Variants in C18orf63 observed in about 807,000 individuals in gnomAD.
C18orf63 encodes chromosome 18 open reading frame 63.
A neutral mutation model predicts 75.3 loss-of-function variants in C18orf63; 50 were observed. The ratio of observed to expected loss-of-function variants is 0.66; its 90% confidence interval spans 0.53 to 0.84. The LOEUF is 0.84. Ranked by LOEUF, C18orf63 falls within the 40% of genes least tolerant of loss-of-function variation. The pLI, the probability that C18orf63 is intolerant of heterozygous loss-of-function variation, is 0.00. For synonymous variants in C18orf63, 232 were observed against 267.6 expected, an observed-to-expected ratio of 0.87 and a Z score of 1.30; for missense variants, 732 against 800.2, an observed-to-expected ratio of 0.91 and a Z score of 1.03.
Position 74,355,653 on chromosome 18 carries a change from C to T in C18orf63, c.*34-828C>T, listed in dbSNP as rs144248156. ...AAAAAATTAGGGCCGGGCATGGTGG[C>T]TCACGCCTGTAATTCCAGCATTTTG... is the stretch of plus-strand genomic sequence containing the variant. On this transcript the variant is annotated intron_variant, in intron 13 of 13. Coordinates refer to ENST00000579455, the MANE Select transcript of C18orf63 (RefSeq NM_001174123.2). Among the ~76,000 whole-genome samples the T allele has an allele frequency of 6.8e-3, 1,042 of 152,134 alleles. 8 individuals carry two copies. The highest frequency in any genetic ancestry group is 0.032 in the South Asian group (156 of 4,812).
At chr18:74,346,118 G>A (rs1230733816) in intron 11 of C18orf63, among the ~76,000 whole-genome samples, 2 of 151,972 alleles carry the variant, frequency 1.3e-5, no homozygotes, top group African/African-American at 4.8e-5. Context: ...TGTATGGGAA[G>A]TCTTTTGTAC....
intron 7 of C18orf63, among the ~76,000 whole-genome samples, chr18:74,334,628 A>C (rs564414991): frequency 6.6e-6 from 1 of 151,858 alleles, no homozygotes; most frequent in African/African-American, 2.4e-5. Context: ...TTTTTCTTTC[A>C]TAGTTATTAG....
chr18:74,334,393 G>T (rs975268717), intron 7 of C18orf63, among the ~76,000 whole-genome samples: 2 of 152,062 alleles, frequency 1.3e-5, no homozygotes, highest in Non-Finnish European at 2.9e-5. Context: ...TTTGATTACA[G>T]CTGAGTGAAT....
chr18:74,347,875 C>CAA (rs1984600569), intron 11 of C18orf63, among the ~76,000 whole-genome samples: 1 of 151,952 alleles, frequency 6.6e-6, no homozygotes, highest in South Asian at 2.1e-4. Context: ...ATCTAGTTTC[C>CAA]CCTTGACATA....
At chr18:74,327,497 ACT>A (rs1219181968) in intron 4 of C18orf63, among the ~76,000 whole-genome samples, 1 of 151,856 alleles carries the variant, frequency 6.6e-6, no homozygotes, top group Non-Finnish European at 1.5e-5. Flanking sequence ...GAAAATAAAA[ACT>A]CTCTTCCTCC....
chr18:74,327,556 A>G (rs550723119), intron 4 of C18orf63, among the ~76,000 whole-genome samples: 3 of 152,302 alleles, frequency 2.0e-5, no homozygotes, highest in African/African-American at 7.2e-5. Flanking sequence ...ATAGCAGCCC[A>G]ACGTTCAGTT....
intron 8 of C18orf63, among the ~76,000 whole-genome samples, chr18:74,340,982 G>A (rs895383081): frequency 2.6e-5 from 4 of 152,000 alleles, no homozygotes; most frequent in Non-Finnish European, 4.4e-5. Context: ...TATTAGGTTG[G>A]GGCCGGGCGC....
rs1439483577 is a variant in C18orf63 at position 74,357,052 on chromosome 18, C to T, written c.*605C>T. The stretch of plus-strand genomic sequence containing the variant: ...TATATATATATTACATTTTGGGGAT[C>T]TCTACTATATCTCTGCAGGCTCACT... On this transcript the variant is annotated 3_prime_UTR_variant, in exon 14 of 14. Coordinates refer to ENST00000579455, the MANE Select transcript of C18orf63 (RefSeq NM_001174123.2). 1.3e-5 allele frequency: 2 copies of T among 152,100 alleles called. No individual in the cohort carries two copies. The highest frequency in any genetic ancestry group is 2.9e-5 in the Non-Finnish European group (2 of 68,022). 9.4% of individuals were successfully genotyped at this position (152,100 alleles called of 1,614,324 possible).
chr18:74,319,822 A>C (rs1439020443), intron 2 of C18orf63, among the ~76,000 whole-genome samples: 2 of 150,334 alleles, frequency 1.3e-5, no homozygotes, highest in South Asian at 2.1e-4. Context: ...AGATTTCTTC[A>C]AGTATATAGG....
At chr18:74,319,735 C>T (rs1984087919) in intron 2 of C18orf63, among the ~76,000 whole-genome samples, 1 of 152,032 alleles carries the variant, frequency 6.6e-6, no homozygotes, top group Non-Finnish European at 1.5e-5. Flanking sequence ...GTGCCCCCTG[C>T]CCACCACCTT....
chr18:74,316,182 C>CCCGGTG (rs1342400247), intron 1 of C18orf63, 73 bp downstream of exon 1: 1 of 152,168 alleles, frequency 6.6e-6, no homozygotes, highest in South Asian at 2.1e-4. Flanking sequence ...AGGGCAGGAT[C>CCCGGTG]CCGGTGCCGG....
At chr18:74,318,368 G>A (rs1414575427) in intron 2 of C18orf63, among the ~76,000 whole-genome samples, 1 of 152,046 alleles carries the variant, frequency 6.6e-6, no homozygotes, top group Non-Finnish European at 1.5e-5. Context: ...CCAGTAGGTG[G>A]GGCACTTAGA....
At chr18:74,347,560 A>G (rs983415508) in intron 11 of C18orf63, among the ~76,000 whole-genome samples, 3 of 152,200 alleles carry the variant, frequency 2.0e-5, no homozygotes, top group East Asian at 3.8e-4. Context: ...GAAGGGGGTC[A>G]TGTCTTTTGC....
At chr18:74,330,731 A>T in intron 6 of C18orf63, 135 bp from the exon 7 acceptor site, 1 of 460,590 alleles carries the variant, frequency 2.2e-6, no homozygotes, top group Non-Finnish European at 3.8e-6. Context: ...TTATTATTTG[A>T]ATTTTACCAT....
intron 11 of C18orf63, among the ~76,000 whole-genome samples, chr18:74,352,346 G>A (rs1984680897): frequency 1.3e-5 from 2 of 152,096 alleles, no homozygotes; most frequent in African/African-American, 4.8e-5. Context: ...ACAGTACAGT[G>A]GTAAATGTAC....
At position 74,353,770 on chromosome 18, in the gene C18orf63, C is replaced by G; in HGVS notation, c.1503C>G (p.Asn501Lys). The G allele has an allele frequency of 6.5e-7, 1 of 1,535,706 alleles. No individual in the cohort carries two copies. Among genetic ancestry groups the G allele is most frequent in the Non-Finnish European group, 8.7e-7 (1 of 1,146,786 alleles). ...GTAACATTCAGATGCAGGCTGCTAA[C>G]AATTTAAATCAGGAGAATTCCAGAC... ...YSSNIQMQAA[N>K]NLNQENSRPL... The change falls in exon 12 of 14, where the codon AAC becomes AAG. Residue 501 changes from asparagine to lysine, a missense_variant. Physicochemically the swap from Asn to Lys is moderately conservative, Grantham distance 94. This residue lies in a region of C18orf63 where 495 missense variants were observed against 508.7 expected (regional missense o/e 0.97). Coordinates refer to ENST00000579455, the MANE Select transcript of C18orf63 (RefSeq NM_001174123.2).
At chr18:74,336,618 A>G (rs1439957417) in intron 7 of C18orf63, among the ~76,000 whole-genome samples, 1 of 152,044 alleles carries the variant, frequency 6.6e-6, no homozygotes, top group Non-Finnish European at 1.5e-5. Context: ...CAGTAGCTTC[A>G]GCCTATACAC....
chr18:74,316,550 C>T (rs1332013464), intron 1 of C18orf63, among the ~76,000 whole-genome samples: 1 of 152,164 alleles, frequency 6.6e-6, no homozygotes, highest in Non-Finnish European at 1.5e-5. Context: ...AGTTTTGGTC[C>T]TTTGGGGTTC....
intron 4 of C18orf63, among the ~76,000 whole-genome samples, chr18:74,326,072 G>T (rs1356620346): frequency 6.6e-6 from 1 of 152,210 alleles, no homozygotes; most frequent in Non-Finnish European, 1.5e-5. Flanking sequence ...GACCCTGGTG[G>T]TTTATGGGAT....
Sources: allele counts gnomAD v4.1 joint callset (sites outside exome capture counted in the v4.1 genomes callset), GRCh38; gene constraint gnomAD v4.1.1; regional missense constraint gnomAD v4.1.1; transcripts MANE v1.5; gene names NCBI Gene and HGNC (gene_info 2026-07-23, HGNC 2026-07-21).